Variants in FRMD4A observed in about 807,000 individuals in gnomAD.
The protein encoded by FRMD4A is FERM domain-containing protein 4A.
A neutral mutation model predicts 129.1 loss-of-function variants in FRMD4A; 29 were observed. The ratio of observed to expected loss-of-function variants is 0.22; its 90% CI spans 0.17 to 0.31. The LOEUF (loss-of-function observed/expected upper bound fraction) is 0.31. Ranked by LOEUF, FRMD4A falls within the 10% of genes least tolerant of loss-of-function variation. The pLI is 1.00. For synonymous variants in FRMD4A, 634 were observed against 571.6 expected (o/e 1.11, Z -1.56); for missense variants, 1,272 against 1,375.8 (o/e 0.92, Z 1.19).
In FRMD4A at chr10:13,924,221, A is replaced by T. The variant is rs571213776; in HGVS notation, c.46-65309T>A. On this transcript the variant is annotated intron_variant, in intron 2 of 24. Transcript: ENST00000357447. ...CATGGCCTCCTTCAGTCTATTGTCC[A>T]TGCCATGGCCTGAGTAATCCTTTAA... Among the ~76,000 whole-genome samples the T allele has an allele frequency of 4.6e-5, 7 of 152,180 alleles. 1 individual carries two copies. Among genetic ancestry groups the T allele is most frequent in the South Asian group, 4.2e-4 (2 of 4,816 alleles).
At chr10:14,185,487 A>G (rs1005414401) in intron 2 of FRMD4A, among the ~76,000 whole-genome samples, 22 of 152,326 alleles carry the variant, frequency 1.4e-4, no homozygotes, top group Middle Eastern at 6.8e-3. Context: ...ACATTTTGTA[A>G]TTTTTCTAAC....
chr10:14,124,397 C>T lies in FRMD4A; in HGVS notation c.45+205661G>A, dbSNP rs191516087. 5.6e-3 allele frequency among the ~76,000 whole-genome samples: 857 copies of T among 152,276 alleles called. 30 individuals are homozygous for T. Among genetic ancestry groups the T allele is most frequent in the Admixed American group, 0.052 (789 of 15,298 alleles). ...GAAGCTCAGACGAATTTAAGTGGGC[C>T]GGACACGGTGCCTCATGCCTGTAAT... On this transcript the variant is annotated intron_variant, in intron 2 of 24. Transcript: ENST00000357447.
intron 2 of FRMD4A, among the ~76,000 whole-genome samples, chr10:13,981,912 G>A (rs989998422): frequency 1.3e-5 from 2 of 152,108 alleles, no homozygotes; most frequent in African/African-American, 4.8e-5. Context: ...AGGAGAAAGT[G>A]AGGCCAGGTT....
At chr10:13,769,218 TG>T (rs2092382542) in intron 6 of FRMD4A, among the ~76,000 whole-genome samples, 1 of 151,214 alleles carries the variant, frequency 6.6e-6, no homozygotes, top group Admixed American at 6.6e-5. Context: ...GTTGTGTGTG[TG>T]TGTGTGTGTG....
intron 2 of FRMD4A, among the ~76,000 whole-genome samples, chr10:14,077,952 G>C (rs1055559547): frequency 9.2e-5 from 14 of 152,316 alleles, no homozygotes; most frequent in Middle Eastern, 3.4e-3. Flanking sequence ...GATGGCATAG[G>C]TGAGGAAAGA....
chr10:13,748,373 G>A (rs749039654), intron 8 of FRMD4A, among the ~76,000 whole-genome samples: 9 of 152,138 alleles, frequency 5.9e-5, no homozygotes, highest in African/African-American at 1.4e-4. Flanking sequence ...CTCCTTTATC[G>A]GAAATGCTTG....
At chr10:13,656,596 C>T (rs1481047521) in intron 22 of FRMD4A, 40 bp downstream of exon 22, 6 of 1,360,358 alleles carry the variant, frequency 4.4e-6, no homozygotes, top group Non-Finnish European at 5.7e-6. Flanking sequence ...AGCAGTTCGC[C>T]CTCAGGTCTT....
intron 2 of FRMD4A, among the ~76,000 whole-genome samples, chr10:14,264,667 T>C (rs75702357): frequency 0.011 from 1,666 of 152,372 alleles, 34 homozygotes; most frequent in African/African-American, 0.038. Context: ...AAAATATCTA[T>C]TGTTTTAAAA....
rs112041665 is a variant in FRMD4A at position 14,319,367 on chromosome 10, T to TCTCTCTCTCTCTCTCTCTCA, written c.45+10690_45+10691insTGAGAGAGAGAGAGAGAGAG. 3.5e-4 allele frequency among the ~76,000 whole-genome samples: 51 copies of TCTCTCTCTCTCTCTCTCTCA among 145,154 alleles called. 1 individual carries two copies. The highest frequency in any genetic ancestry group is 1.1e-3 in the African/African-American group (40 of 37,170). On this transcript the variant is annotated intron_variant, in intron 2 of 24. Transcript: ENST00000357447. The stretch of plus-strand genomic sequence containing the variant: ...TCTCTCTCCTCTCTCTCTCTCTCTC[T>TCTCTCTCTCTCTCTCTCTCA]CACACACACACACACACACATGATA...
At chr10:13,688,553 A>T (rs1171863507) in intron 15 of FRMD4A, among the ~76,000 whole-genome samples, 2 of 152,154 alleles carry the variant, frequency 1.3e-5, no homozygotes, top group Non-Finnish European at 2.9e-5. Flanking sequence ...ATAATAAAAA[A>T]ATTAAAAAAT....
At chr10:14,119,637 A>G (rs1235770260) in intron 2 of FRMD4A, among the ~76,000 whole-genome samples, 1 of 152,164 alleles carries the variant, frequency 6.6e-6, no homozygotes, top group East Asian at 1.9e-4. Flanking sequence ...GTAGCCCAAC[A>G]AATGAGAGGA....
At chr10:14,059,664 G>A (rs906462101) in intron 2 of FRMD4A, among the ~76,000 whole-genome samples, 4 of 152,162 alleles carry the variant, frequency 2.6e-5, no homozygotes, top group Non-Finnish European at 4.4e-5. Context: ...GCTTTATTTT[G>A]TTATAGCAGC....
chr10:14,257,795 T>A (rs545920823), intron 2 of FRMD4A, among the ~76,000 whole-genome samples: 1 of 152,288 alleles, frequency 6.6e-6, no homozygotes, highest in South Asian at 2.1e-4. Context: ...AAAGAAAGCA[T>A]CCAAACCTAG....
Position 14,043,106 on chromosome 10 carries a change from AG to A in FRMD4A, c.46-184195del, listed in dbSNP as rs1238990086. ...GGTGTAGAGATGGGAGAGGAGAGAG[AG>A]AAAAAATTTTTTAAAGCATCCTTTT... is the stretch of plus-strand genomic sequence containing the variant. On this transcript the variant is annotated intron_variant, in intron 2 of 24. Coordinates refer to ENST00000357447, the MANE Select transcript of FRMD4A (RefSeq NM_018027.5). Among the ~76,000 whole-genome samples, 23 of 151,982 alleles carry A rather than the reference AG, an allele frequency of 1.5e-4. No individual in the cohort carries two copies. In the East Asian group the frequency reaches 3.1e-3, roughly 21 times the overall value.
intron 2 of FRMD4A, among the ~76,000 whole-genome samples, chr10:14,208,513 C>T (rs74929462): frequency 0.028 from 4,304 of 152,202 alleles, 193 homozygotes; most frequent in African/African-American, 0.098. Context: ...CTCACTCTAG[C>T]GAGCCCTGCC....
Position 13,783,143 on chromosome 10 carries a change from G to T in FRMD4A, c.300-137C>A, listed in dbSNP as rs961640367. 3 of 621,278 alleles carry T rather than the reference G, an allele frequency of 4.8e-6. No homozygotes were observed. In the African/African-American group the frequency reaches 5.5e-5, roughly 11 times the overall value. The allele number at this position is 621,278 out of a possible 1,614,324, so 38.5% of individuals were successfully genotyped here. A position where few individuals can be genotyped will look rare whatever the true frequency, so the allele number is the denominator to read the frequency against. On this transcript the variant is annotated intron_variant, in intron 5 of 24. Transcript: ENST00000357447. The stretch of plus-strand genomic sequence containing the variant: ...ACAAAGGAAAAAGGCACCATCCATG[G>T]TTTTTCTATGATTCCCTAGGGAGGA...
intron 15 of FRMD4A, among the ~76,000 whole-genome samples, chr10:13,677,377 TCTC>T (rs1176161134): frequency 2.0e-5 from 3 of 152,232 alleles, no homozygotes; most frequent in African/African-American, 7.2e-5. Context: ...GCTATAATTA[TCTC>T]CTCTTCATAA....
At chr10:14,054,124 C>G (rs1418735192) in intron 2 of FRMD4A, among the ~76,000 whole-genome samples, 2 of 152,036 alleles carry the variant, frequency 1.3e-5, no homozygotes, top group African/African-American at 4.8e-5. Flanking sequence ...CTGATCGCAC[C>G]ACTGCACTCC....
intron 2 of FRMD4A, among the ~76,000 whole-genome samples, chr10:13,959,865 T>G (rs1021156507): frequency 6.6e-6 from 1 of 152,208 alleles, no homozygotes; most frequent in African/African-American, 2.4e-5. Context: ...CTGAAAATGC[T>G]TGGGGGCATC....
Sources: allele counts gnomAD v4.1 joint callset (sites outside exome capture counted in the v4.1 genomes callset), GRCh38; gene constraint gnomAD v4.1.1; transcripts MANE v1.5; gene names NCBI Gene and HGNC (gene_info 2026-07-23, HGNC 2026-07-21).